Variants in KHK observed in about 807,000 individuals in gnomAD.
KHK encodes the protein fructokinase.
KHK carries 37 observed loss-of-function variants against 36.0 expected under a neutral mutation model. The ratio of observed to expected loss-of-function variants is 1.03; its 90% CI spans 0.79 to 1.35. The LOEUF (loss-of-function observed/expected upper bound fraction) is 1.35, where lower values mean the gene tolerates loss of function less well. Among genes scored for constraint, KHK ranks in the 40% most tolerant of loss-of-function variants. The pLI is 0.00. For missense variants in KHK, 395 were observed against 391.9 expected (o/e 1.01, Z -0.07); for synonymous variants, 161 against 162.8 (o/e 0.99, Z 0.08).
At chr2:27,093,660 C>T (rs2148347157) in intron 2 of KHK, among the ~76,000 whole-genome samples, 1 of 152,252 alleles carries the variant, frequency 6.6e-6, no homozygotes, top group African/African-American at 2.4e-5. Context: ...CGGGCTCTGG[C>T]CAGGTGAGAA....
chr2:27,089,595 C>T (rs1669863320), intron 1 of KHK, among the ~76,000 whole-genome samples: 1 of 152,188 alleles, frequency 6.6e-6, no homozygotes. Context: ...CTGAGCGAGG[C>T]ACTTCTCTAA....
chr2:27,087,413 G>A, intron 1 of KHK, 62 bp downstream of exon 1: 2 of 1,341,252 alleles, frequency 1.5e-6, no homozygotes, highest in Non-Finnish European at 2.1e-6. Context: ...ATTTGTGCCA[G>A]CGACCGAGGC....
At position 27,097,547 on chromosome 2, in the gene KHK, C is replaced by T. The variant is rs768290702; in HGVS notation, c.462C>T (p.Asp154=). The change falls in exon 5 of 8, where the codon GAC becomes GAT. Residue 154 remains aspartate (D), a synonymous_variant. Coordinates refer to ENST00000260598, the MANE Select transcript of KHK (RefSeq NM_006488.3). ...SEQVKMLQRI[D]AHNTRQPPEQ... is the part of the protein sequence containing the mutation. ...AGGTGAAGATGCTGCAGCGGATAGACGCACACAACACCAGGCAGCCTCCAG... is the reference window on the plus strand; with the variant it reads ...AGGTGAAGATGCTGCAGCGGATAGATGCACACAACACCAGGCAGCCTCCAG... 1.2e-5 allele frequency: 20 copies of T among 1,613,858 alleles called. No individual in the cohort carries two copies. Among genetic ancestry groups the T allele is most frequent in the South Asian group, 6.6e-5 (6 of 91,086 alleles).
chr2:27,099,842 T>C lies in KHK; in HGVS notation c.*92T>C. 5 of 1,557,206 alleles carry C rather than the reference T, an allele frequency of 3.2e-6. No individual in the cohort carries two copies. Among genetic ancestry groups the C allele is most frequent in the Middle Eastern group, 1.9e-4 (1 of 5,130 alleles). On this transcript the variant is annotated 3_prime_UTR_variant, in exon 8 of 8. Coordinates refer to ENST00000260598, the MANE Select transcript of KHK (RefSeq NM_006488.3). ...ATCCAGCCTGGCGTCCAGGTTGCCC[T>C]GTTCAGGGGACAGATGCAAGCTGTG...
At chr2:27,088,556 G>A (rs1669803280) in intron 1 of KHK, among the ~76,000 whole-genome samples, 1 of 152,172 alleles carries the variant, frequency 6.6e-6, no homozygotes, top group Admixed American at 6.5e-5. Context: ...GGGATTATAG[G>A]CATACGCCAC....
At chr2:27,096,891 T>C in intron 4 of KHK, 90 bp downstream of exon 4, 1 of 950,244 alleles carries the variant, frequency 1.1e-6, no homozygotes. Flanking sequence ...AATCATGAAG[T>C]ACCTTAGAGA....
chr2:27,091,083 CATT>C (rs1229495783), intron 1 of KHK, among the ~76,000 whole-genome samples: 1 of 38,828 alleles, frequency 2.6e-5, no homozygotes, highest in East Asian at 7.7e-4. Context: ...TATCCTTTGT[CATT>C]GTTGTTATTG....
At chr2:27,098,614 G>A (rs536633892) in intron 5 of KHK, among the ~76,000 whole-genome samples, 4 of 152,194 alleles carry the variant, frequency 2.6e-5, no homozygotes, top group Non-Finnish European at 4.4e-5. Flanking sequence ...CAAGGCTTCG[G>A]TGTTTTGTTT....
chr2:27,089,061 C>A (rs1483213896), intron 1 of KHK, among the ~76,000 whole-genome samples: 2 of 152,196 alleles, frequency 1.3e-5, no homozygotes, highest in Non-Finnish European at 2.9e-5. Context: ...GTGTAAAGAT[C>A]AGTGAAATCC....
intron 1 of KHK, among the ~76,000 whole-genome samples, chr2:27,088,876 G>C (rs79857216): frequency 0.057 from 8,738 of 152,160 alleles, 835 homozygotes; most frequent in African/African-American, 0.2. Flanking sequence ...ATCAGTTGTC[G>C]CAGCTAAGAA....
intron 3 of KHK, among the ~76,000 whole-genome samples, chr2:27,096,307 G>A (rs893550938): frequency 5.3e-5 from 8 of 152,182 alleles, no homozygotes; most frequent in African/African-American, 1.9e-4. Context: ...ACGCTGGGGC[G>A]CCAGAAGTGA....
rs1670709292 is a variant in KHK at position 27,099,979 on chromosome 2, C to CAGCTTCTG, written c.*229_*230insAGCTTCTG. On this transcript the variant is annotated 3_prime_UTR_variant, in exon 8 of 8. Transcript: ENST00000260598. ...ATCTTCCTCAGAGCCAGCTTCTCCTCTCAATGTCTGAACTGCTCTGGCTGG... is the reference window on the plus strand; with the variant it reads ...ATCTTCCTCAGAGCCAGCTTCTCCTCAGCTTCTGTCAATGTCTGAACTGCTCTGGCTGG... The CAGCTTCTG allele has an allele frequency of 1.1e-6, 1 of 885,214 alleles. No individual in the cohort carries two copies. Among genetic ancestry groups the CAGCTTCTG allele is most frequent in the Admixed American group, 2.1e-5 (1 of 47,350 alleles). The allele number at this position is 885,214 out of a possible 1,614,324, so 54.8% of individuals were successfully genotyped here.
At chr2:27,089,769 T>G (rs984799926) in intron 1 of KHK, among the ~76,000 whole-genome samples, 2 of 152,208 alleles carry the variant, frequency 1.3e-5, no homozygotes, top group Non-Finnish European at 2.9e-5. Flanking sequence ...CAGCCCCACC[T>G]GTCCTAGGGT....
At chr2:27,094,024 T>C (rs931393667) in intron 2 of KHK, among the ~76,000 whole-genome samples, 86 of 152,172 alleles carry the variant, frequency 5.7e-4, no homozygotes, top group African/African-American at 2.1e-3. Context: ...GACAGCACCC[T>C]GGATGAGCTT....
At chr2:27,088,720 G>A (rs779310606) in intron 1 of KHK, among the ~76,000 whole-genome samples, 15 of 152,034 alleles carry the variant, frequency 9.9e-5, no homozygotes, top group Admixed American at 3.9e-4. Flanking sequence ...CACCACACCC[G>A]GCTTATTGGT....
rs976707941 is a variant in KHK, at chr2:27,100,465, G to A, written c.*715G>A. On this transcript the variant is annotated 3_prime_UTR_variant, in exon 8 of 8. Transcript: ENST00000260598. The stretch of plus-strand genomic sequence containing the variant: ...CCACAAATGTGACCCAGGATACAGA[G>A]TGTTGCTGTCCTCAGGGAGGTCCGA... The A allele has an allele frequency of 1.8e-5, 23 of 1,290,948 alleles. No homozygotes were observed. The highest frequency in any genetic ancestry group is 2.3e-5 in the Non-Finnish European group (23 of 988,884). The allele number at this position is 1,290,948 out of a possible 1,614,324, so 80.0% of individuals were successfully genotyped here.
chr2:27,098,888 T>C (rs550701041), intron 5 of KHK: 22 of 369,200 alleles, frequency 6.0e-5, no homozygotes, highest in African/African-American at 4.4e-4. Context: ...TATTCTATTA[T>C]ATATAAGCAT....
intron 1 of KHK, 151 bp from the exon 2 acceptor site, chr2:27,092,181 G>A (rs1045518131): frequency 9.4e-6 from 7 of 741,338 alleles, no homozygotes; most frequent in East Asian, 2.5e-5. Context: ...TCCCTTGGCC[G>A]GCCTCGGCTG....
At chr2:27,094,603 CTA>C in intron 2 of KHK, 195 bp from the exon 3 acceptor site, 1 of 1,614,170 alleles carries the variant, frequency 6.2e-7, no homozygotes, top group Non-Finnish European at 8.5e-7. Context: ...CCATCCTATA[CTA>C]TGACAGGTTT....
Sources: allele counts gnomAD v4.1 joint callset (sites outside exome capture counted in the v4.1 genomes callset), GRCh38; gene constraint gnomAD v4.1.1; transcripts MANE v1.5; gene names NCBI Gene and HGNC (gene_info 2026-07-23, HGNC 2026-07-21).